NUDT21: variants seen among roughly 807,000 people sequenced by gnomAD.
NUDT21 encodes nudix hydrolase 21, also known as cleavage and polyadenylation specificity factor subunit 5.
A neutral mutation model predicts 29.8 loss-of-function variants in NUDT21; 5 were observed. That is an observed-to-expected ratio of 0.17 (90% CI 0.09 to 0.35). NUDT21 has a LOEUF of 0.35. NUDT21 is among the 10% of genes least tolerant of loss of function. The pLI is 1.00. For synonymous variants in NUDT21, 113 were observed against 98.5 expected (o/e 1.15, Z -0.87); for missense variants, 76 against 276.0 (o/e 0.28, Z 5.13).
chr16:56,449,232 T>C (rs1567540826), intron 1 of NUDT21: 4 of 152,222 alleles, frequency 2.6e-5, no homozygotes, highest in Non-Finnish European at 4.4e-5. Context: ...AGCTCCAATA[T>C]ATCAGTAAGG....
intron 6 of NUDT21, among the ~76,000 whole-genome samples, 167 bp downstream of exon 6, chr16:56,434,164 G>C (rs1310056615): frequency 2.6e-5 from 4 of 152,194 alleles, no homozygotes; most frequent in African/African-American, 9.7e-5. Context: ...TCTGGGGATG[G>C]TATTAGTCAC....
At chr16:56,443,930 C>G (rs1225744796) in intron 3 of NUDT21, among the ~76,000 whole-genome samples, 1 of 152,170 alleles carries the variant, frequency 6.6e-6, no homozygotes, top group Non-Finnish European at 1.5e-5. Context: ...ATGGCAGTAT[C>G]TGAAGTTTTT....
chr16:56,447,708 G>A lies in NUDT21; in HGVS notation c.317+81C>T. On this transcript the variant is annotated intron_variant, in intron 2 of 6. Transcript: ENST00000300291. The stretch of plus-strand genomic sequence containing the variant: ...AGTGTTTGTTGAAATGAATGACCGA[G>A]GGCTAAAATTGTATTCCAGAGCTGC... The A allele has an allele frequency of 3.2e-6, 4 of 1,242,508 alleles. No individual in the cohort carries two copies. In the South Asian group the frequency reaches 5.1e-5, roughly 16 times the overall value. 77.0% of individuals were successfully genotyped at this position (1,242,508 alleles called of 1,614,324 possible). A position where few individuals can be genotyped will look rare whatever the true frequency, so the allele number is the denominator to read the frequency against.
rs1294188623 is a variant in NUDT21, at chr16:56,432,627, C to T, written c.*85G>A. ...CGCAAAAGAGATAAAACCAAAAAAA[C>T]TTTTCTACCACATTTATTCTACACT... On this transcript the variant is annotated 3_prime_UTR_variant, in exon 7 of 7. Transcript: ENST00000300291. 1 of 1,255,084 alleles carries T rather than the reference C, an allele frequency of 8.0e-7. No homozygotes were observed. Among genetic ancestry groups the T allele is most frequent in the Admixed American group, 2.5e-5 (1 of 39,836 alleles). 77.7% of individuals were successfully genotyped at this position (1,255,084 alleles called of 1,614,324 possible).
chr16:56,440,643 C>T (rs747376763), intron 3 of NUDT21, among the ~76,000 whole-genome samples: 2 of 152,138 alleles, frequency 1.3e-5, no homozygotes, highest in Non-Finnish European at 2.9e-5. Flanking sequence ...ATTCTCATCA[C>T]GTCATATCAA....
chr16:56,440,644 G>A (rs915784824), intron 3 of NUDT21, among the ~76,000 whole-genome samples: 4 of 152,126 alleles, frequency 2.6e-5, no homozygotes, highest in Non-Finnish European at 5.9e-5. Context: ...TTCTCATCAC[G>A]TCATATCAAA....
At chr16:56,448,427 A>ATTTTT (rs1962243292) in intron 1 of NUDT21, among the ~76,000 whole-genome samples, 1 of 152,172 alleles carries the variant, frequency 6.6e-6, no homozygotes, top group Non-Finnish European at 1.5e-5. Flanking sequence ...AAACTAAGCC[A>ATTTTT]CCGTTTTTCA....
intron 3 of NUDT21, among the ~76,000 whole-genome samples, chr16:56,444,346 G>A (rs906241969): frequency 3.3e-5 from 5 of 152,106 alleles, no homozygotes; most frequent in South Asian, 2.1e-4. Flanking sequence ...CACTTTGGGA[G>A]GCCAAAGCAG....
intron 6 of NUDT21, among the ~76,000 whole-genome samples, chr16:56,433,900 T>C (rs1202028299): frequency 6.6e-6 from 1 of 152,144 alleles, no homozygotes; most frequent in Non-Finnish European, 1.5e-5. Context: ...TTGGCCAGAC[T>C]GGTCTCGAAC....
rs1412132549 is a variant in NUDT21 at position 56,430,848 on chromosome 16, G to T, written c.*1864C>A. On this transcript the variant is annotated 3_prime_UTR_variant, in exon 7 of 7. Transcript: ENST00000300291. ...TTTCTCAACTAGGCCTTAGTGTATG[G>T]ATGACTGGCTCACGTACTTACTGTA... The T allele has an allele frequency of 2.0e-5, 3 of 152,218 alleles. No individual in the cohort carries two copies. Among genetic ancestry groups the T allele is most frequent in the African/African-American group, 7.2e-5 (3 of 41,442 alleles). 9.4% of individuals were successfully genotyped at this position (152,218 alleles called of 1,614,324 possible).
intron 4 of NUDT21, 32 bp from the exon 5 acceptor site, chr16:56,434,861 G>T: frequency 8.0e-7 from 1 of 1,246,520 alleles, no homozygotes; most frequent in Non-Finnish European, 1.2e-6. Flanking sequence ...ACTTTAATAT[G>T]TATTCCATGG....
At chr16:56,449,421 T>C (rs1342302709) in intron 1 of NUDT21, among the ~76,000 whole-genome samples, 1 of 152,198 alleles carries the variant, frequency 6.6e-6, no homozygotes, top group East Asian at 1.9e-4. Context: ...TCATGCAATA[T>C]TTCCTAAAAT....
At chr16:56,435,674 C>T (rs1243418203) in intron 4 of NUDT21, among the ~76,000 whole-genome samples, 2 of 133,916 alleles carry the variant, frequency 1.5e-5, no homozygotes, top group South Asian at 2.4e-4. Flanking sequence ...TGCAGTGAGC[C>T]GAGACTATGC....
intron 3 of NUDT21, among the ~76,000 whole-genome samples, chr16:56,445,569 T>A (rs1485147346): frequency 6.6e-6 from 1 of 152,232 alleles, no homozygotes; most frequent in African/African-American, 2.4e-5. Flanking sequence ...TGTATAAATA[T>A]ACTCCATATA....
At chr16:56,451,003 G>C (rs749864474) in intron 1 of NUDT21, 84 bp downstream of exon 1, 5 of 1,171,562 alleles carry the variant, frequency 4.3e-6, no homozygotes, top group Non-Finnish European at 6.3e-6. Context: ...GAGGCGTGAA[G>C]CGCGCCGAAA....
intron 4 of NUDT21, among the ~76,000 whole-genome samples, chr16:56,438,327 G>C (rs1962126473): frequency 2.0e-5 from 3 of 152,204 alleles, no homozygotes; most frequent in Admixed American, 2.0e-4. Context: ...TCCTTTTAGA[G>C]ATGTTCTCAT....
chr16:56,444,673 G>A (rs916448622), intron 3 of NUDT21, among the ~76,000 whole-genome samples: 9 of 150,834 alleles, frequency 6.0e-5, no homozygotes, highest in African/African-American at 2.2e-4. Flanking sequence ...CCTAATAGAG[G>A]TCCAAGAGTC....
chr16:56,446,474 T>TAA, intron 3 of NUDT21, 152 bp downstream of exon 3: 2 of 517,188 alleles, frequency 3.9e-6, no homozygotes, highest in African/African-American at 4.0e-5. Flanking sequence ...CTTCAACTTG[T>TAA]AAAAAAAAAT....
At chr16:56,439,417 C>A (rs761962194) in intron 4 of NUDT21, 25 of 419,020 alleles carry the variant, frequency 6.0e-5, no homozygotes, top group Non-Finnish European at 9.3e-5. Flanking sequence ...AACAGGTGAT[C>A]CACCCGCCTC....
Sources: gnomAD v4.1 joint callset for allele counts (sites outside exome capture counted in the v4.1 genomes callset) on GRCh38, gnomAD v4.1.1 for gene constraint, MANE v1.5 for transcripts, NCBI Gene and HGNC (gene_info 2026-07-23, HGNC 2026-07-21) for gene names.